The following LHFPL6 variants were observed in gnomAD, a reference collection of about 807,000 sequenced individuals.
LHFPL6 encodes LHFPL tetraspan subfamily member 6 protein.
LHFPL6 carries 9 observed loss-of-function variants against 20.6 expected under a neutral mutation model. The observed-to-expected ratio is 0.44, with a 90% CI of 0.26 to 0.76. LHFPL6 has a LOEUF of 0.76. Ranked by LOEUF, LHFPL6 falls within the 30% of genes least tolerant of loss-of-function variation. LHFPL6 has a pLI of 0.20. For synonymous variants in LHFPL6, 105 were observed against 98.7 expected (o/e 1.06, Z -0.38); for missense variants, 218 against 253.5 (o/e 0.86, Z 0.95).
chr13:39,574,590 G>A (rs1169275078), intron 2 of LHFPL6, among the ~76,000 whole-genome samples: 1 of 151,780 alleles, frequency 6.6e-6, no homozygotes, highest in Non-Finnish European at 1.5e-5. Flanking sequence ...ATTATTCAAC[G>A]ATTTTTGCGT....
chr13:39,449,229 T>G (rs1872376360), intron 2 of LHFPL6, among the ~76,000 whole-genome samples: 1 of 152,236 alleles, frequency 6.6e-6, no homozygotes, highest in Non-Finnish European at 1.5e-5. Flanking sequence ...CGACAGTTAC[T>G]TGAAATATGC....
At chr13:39,480,771 C>T (rs1868483737) in intron 2 of LHFPL6, among the ~76,000 whole-genome samples, 1 of 152,140 alleles carries the variant, frequency 6.6e-6, no homozygotes, top group South Asian at 2.1e-4. Context: ...ACAACAGTGA[C>T]TGCAGGCTTG....
intron 2 of LHFPL6, among the ~76,000 whole-genome samples, chr13:39,390,951 C>T (rs1566100701): frequency 1.3e-5 from 2 of 151,626 alleles, no homozygotes; most frequent in East Asian, 2.0e-4. Context: ...GAGCTGAGAT[C>T]GCGCCACTGC....
intron 2 of LHFPL6, among the ~76,000 whole-genome samples, chr13:39,396,114 G>C (rs2138374937): frequency 6.6e-6 from 1 of 152,190 alleles, no homozygotes; most frequent in South Asian, 2.1e-4. Flanking sequence ...GCAGGGTGTT[G>C]GGGGTGTCTC....
chr13:39,365,373 C>T (rs147459850), intron 3 of LHFPL6, among the ~76,000 whole-genome samples: 44 of 152,274 alleles, frequency 2.9e-4, no homozygotes, highest in Admixed American at 2.4e-3. Context: ...CCTAGAGAAC[C>T]GGAACGGAAC....
chr13:39,418,360 T>C (rs1407567496), intron 2 of LHFPL6, among the ~76,000 whole-genome samples: 1 of 143,646 alleles, frequency 7.0e-6, no homozygotes, highest in Non-Finnish European at 1.5e-5. Flanking sequence ...GATTTTTTTT[T>C]AAAGGGTAAA....
intron 2 of LHFPL6, among the ~76,000 whole-genome samples, chr13:39,567,669 A>G (rs773000994): frequency 3.3e-5 from 5 of 152,062 alleles, no homozygotes; most frequent in Non-Finnish European, 7.3e-5. Flanking sequence ...AACCATTCCT[A>G]GCTCTGTGGC....
intron 2 of LHFPL6, among the ~76,000 whole-genome samples, chr13:39,424,758 A>G (rs1871593967): frequency 6.6e-6 from 1 of 152,174 alleles, no homozygotes; most frequent in Non-Finnish European, 1.5e-5. Flanking sequence ...TTTCTGTAAT[A>G]TATTAATGTG....
At chr13:39,570,196 T>TCTA (rs1405744228) in intron 2 of LHFPL6, among the ~76,000 whole-genome samples, 1 of 152,174 alleles carries the variant, frequency 6.6e-6, no homozygotes, top group Non-Finnish European at 1.5e-5. Flanking sequence ...AGGCTGGAGT[T>TCTA]CAGTGGCACA....
chr13:39,421,003 T>C (rs1463130800), intron 2 of LHFPL6, among the ~76,000 whole-genome samples: 2 of 152,138 alleles, frequency 1.3e-5, no homozygotes, highest in African/African-American at 2.4e-5. Flanking sequence ...GTAACAGAAT[T>C]GAAAAGGAGT....
chr13:39,352,413 G>A (rs954413130), intron 3 of LHFPL6, among the ~76,000 whole-genome samples: 10 of 152,286 alleles, frequency 6.6e-5, no homozygotes, highest in Non-Finnish European at 1.0e-4. Context: ...CCATGGTAGC[G>A]CCCTCCACTG....
intron 2 of LHFPL6, among the ~76,000 whole-genome samples, chr13:39,425,715 G>A (rs1313106057): frequency 6.6e-6 from 1 of 151,984 alleles, no homozygotes; most frequent in Non-Finnish European, 1.5e-5. Context: ...TTTTGCTAAT[G>A]GATTATTTTA....
chr13:39,378,788 A>T (rs1870362906), intron 2 of LHFPL6, among the ~76,000 whole-genome samples: 1 of 152,218 alleles, frequency 6.6e-6, no homozygotes, highest in African/African-American at 2.4e-5. Context: ...AATCCTGTTT[A>T]GGAAATACAA....
chr13:39,426,404 G>C (rs1214096893), intron 2 of LHFPL6, among the ~76,000 whole-genome samples: 1 of 152,024 alleles, frequency 6.6e-6, no homozygotes, highest in Non-Finnish European at 1.5e-5. Flanking sequence ...ACTTTTAGTA[G>C]AGGTGGGGTT....
intron 2 of LHFPL6, among the ~76,000 whole-genome samples, chr13:39,450,951 T>A (rs2138421056): frequency 6.6e-6 from 1 of 152,296 alleles, no homozygotes; most frequent in East Asian, 1.9e-4. Context: ...CAAAACCTGA[T>A]ATTTAAGAGT....
chr13:39,383,540 A>G (rs1437956803), intron 2 of LHFPL6, among the ~76,000 whole-genome samples: 1 of 152,234 alleles, frequency 6.6e-6, no homozygotes, highest in Non-Finnish European at 1.5e-5. Flanking sequence ...GACCATTTCC[A>G]TAACTGTAGT....
intron 2 of LHFPL6, among the ~76,000 whole-genome samples, chr13:39,461,881 C>T (rs1872696774): frequency 6.6e-6 from 1 of 152,166 alleles, no homozygotes; most frequent in East Asian, 1.9e-4. Context: ...GCCATGTCAT[C>T]AACTATCACT....
chr13:39,366,513 T>C (rs1870017784), intron 3 of LHFPL6, among the ~76,000 whole-genome samples: 1 of 152,206 alleles, frequency 6.6e-6, no homozygotes, highest in Admixed American at 6.5e-5. Flanking sequence ...CATATATCAC[T>C]GTCTATGATG....
chr13:39,386,097 T>G (rs899239332), intron 2 of LHFPL6, among the ~76,000 whole-genome samples: 1 of 152,232 alleles, frequency 6.6e-6, no homozygotes, highest in South Asian at 2.1e-4. Flanking sequence ...CGAGGGAAAT[T>G]GTTTTCTTTA....
Sources: allele counts gnomAD v4.1 joint callset (sites outside exome capture counted in the v4.1 genomes callset), GRCh38; gene constraint gnomAD v4.1.1; transcripts MANE v1.5; gene names NCBI Gene and HGNC (gene_info 2026-07-23, HGNC 2026-07-21).